Variants in SHISA9 observed in about 807,000 individuals in gnomAD.
SHISA9 encodes shisa family member 9, also known as protein shisa-9.
A neutral mutation model predicts 38.0 loss-of-function variants in SHISA9; 13 were observed. That is an observed-to-expected ratio of 0.34 (90% confidence interval 0.22 to 0.54). The LOEUF (loss-of-function observed/expected upper bound fraction) is 0.54, where lower values mean the gene tolerates loss of function less well. SHISA9 is among the 20% of genes least tolerant of loss of function. SHISA9 has a pLI of 0.91. For synonymous variants in SHISA9, 275 were observed against 242.0 expected (o/e 1.14, Z -1.27); for missense variants, 538 against 575.8 (o/e 0.93, Z 0.67).
chr16:13,330,362 TTAACTA>T, the SHISA9 span, among the ~76,000 whole-genome samples: 1 of 152,226 alleles, frequency 6.6e-6, no homozygotes. Flanking sequence ...AGCTATCTTG[TTAACTA>T]TAACAAGATA....
At chr16:13,446,348 C>A in the SHISA9 span, among the ~76,000 whole-genome samples, 2 of 152,118 alleles carry the variant, frequency 1.3e-5, no homozygotes, top group African/African-American at 2.4e-5. Context: ...TACTGAGTCC[C>A]TAATATGCAT....
At chr16:13,439,885 T>G in the SHISA9 span, among the ~76,000 whole-genome samples, 65 of 152,314 alleles carry the variant, frequency 4.3e-4, no homozygotes, top group African/African-American at 1.5e-3. Context: ...TCAACTCTGC[T>G]TCTTCTGACC....
At chr16:13,306,208 G>A in the SHISA9 span, among the ~76,000 whole-genome samples, 2 of 152,220 alleles carry the variant, frequency 1.3e-5, no homozygotes, top group Non-Finnish European at 2.9e-5. Context: ...AGGAAATGGG[G>A]TTATCATAAT....
chr16:13,216,812 C>A lies in SHISA9; in HGVS notation c.895+3512C>A, dbSNP rs910419105. 2.0e-5 allele frequency among the ~76,000 whole-genome samples: 3 copies of A among 152,142 alleles called. No individual in the cohort carries two copies. The East Asian group carries it at 5.8e-4, about 29-fold the overall frequency. Reference sequence around the variant, plus strand: ...TCCCTTTGGAGTGTGTCTGCCAGGACAGGAAATGATAAACATCATGCTAGT... The same window carrying A: ...TCCCTTTGGAGTGTGTCTGCCAGGAAAGGAAATGATAAACATCATGCTAGT... On this transcript the variant is annotated intron_variant, in intron 4 of 4. Transcript: ENST00000558583.
chr16:13,253,539 C>A, the SHISA9 span, among the ~76,000 whole-genome samples: 1 of 152,124 alleles, frequency 6.6e-6, no homozygotes, highest in Non-Finnish European at 1.5e-5. Context: ...GAAGCAAAGT[C>A]GAATCTTGCA....
chr16:13,308,160 G>T, the SHISA9 span, among the ~76,000 whole-genome samples: 2 of 151,280 alleles, frequency 1.3e-5, no homozygotes, highest in African/African-American at 4.9e-5. Flanking sequence ...AGTAAGAAAA[G>T]AGAATACAAT....
intron 1 of SHISA9, among the ~76,000 whole-genome samples, chr16:12,914,849 A>G (rs1366871391): frequency 6.6e-6 from 1 of 152,210 alleles, no homozygotes; most frequent in Non-Finnish European, 1.5e-5. Context: ...GGAGGGCTAG[A>G]TGGATCTGAA....
At chr16:13,416,951 A>G in the SHISA9 span, among the ~76,000 whole-genome samples, 5 of 152,218 alleles carry the variant, frequency 3.3e-5, no homozygotes, top group Admixed American at 6.5e-5. Context: ...AAGAAATTTG[A>G]ATAAATTTCT....
chr16:13,308,415 C>A, the SHISA9 span, among the ~76,000 whole-genome samples: 2 of 152,080 alleles, frequency 1.3e-5, no homozygotes, highest in East Asian at 1.9e-4. Context: ...TCTCTCATAA[C>A]CATGGCACTG....
intron 2 of SHISA9, among the ~76,000 whole-genome samples, chr16:12,951,290 C>T (rs1286734218): frequency 6.7e-6 from 1 of 149,882 alleles, no homozygotes; most frequent in Non-Finnish European, 1.5e-5. Context: ...ACTTACACAC[C>T]TGGCTCACGC....
the SHISA9 span, among the ~76,000 whole-genome samples, chr16:13,449,629 A>G: frequency 6.6e-6 from 1 of 152,144 alleles, no homozygotes; most frequent in African/African-American, 2.4e-5. Flanking sequence ...AAAATACAGC[A>G]TATTTGCCCT....
At chr16:13,137,461 ATT>A (rs576067141) in intron 2 of SHISA9, among the ~76,000 whole-genome samples, 1 of 144,726 alleles carries the variant, frequency 6.9e-6, no homozygotes. Flanking sequence ...TAATCTTTTT[ATT>A]TTTTTTTTTT....
chr16:13,561,546 A>G, the SHISA9 span, among the ~76,000 whole-genome samples: 2 of 152,174 alleles, frequency 1.3e-5, no homozygotes, highest in East Asian at 1.9e-4. Flanking sequence ...CACTTCCGCT[A>G]CTTTTACTTG....
chr16:13,276,517 G>C, the SHISA9 span, among the ~76,000 whole-genome samples: 4 of 152,142 alleles, frequency 2.6e-5, no homozygotes, highest in South Asian at 8.3e-4. Context: ...GCCTATACTA[G>C]TTTATATTCC....
At chr16:13,431,453 A>G in the SHISA9 span, among the ~76,000 whole-genome samples, 1 of 152,248 alleles carries the variant, frequency 6.6e-6, no homozygotes, top group Non-Finnish European at 1.5e-5. Context: ...ATATTTTTCA[A>G]CATGCAACTT....
At chr16:13,384,227 G>A in the SHISA9 span, among the ~76,000 whole-genome samples, 6,129 of 152,206 alleles carry the variant, frequency 0.04, 259 homozygotes, top group African/African-American at 0.1. Context: ...GGGATTAGAG[G>A]CCACCCAGGA....
intron 2 of SHISA9, among the ~76,000 whole-genome samples, chr16:13,031,536 T>C (rs2072991373): frequency 6.6e-6 from 1 of 152,088 alleles, no homozygotes; most frequent in Non-Finnish European, 1.5e-5. Flanking sequence ...CAGCCAAGGG[T>C]AAGGCAATTT....
chr16:13,294,784 T>G, the SHISA9 span, among the ~76,000 whole-genome samples: 1 of 152,136 alleles, frequency 6.6e-6, no homozygotes, highest in African/African-American at 2.4e-5. Flanking sequence ...AATGAGCGAA[T>G]TGAGTTGAGT....
chr16:13,053,385 C>G (rs2073274846), intron 2 of SHISA9, among the ~76,000 whole-genome samples: 1 of 152,220 alleles, frequency 6.6e-6, no homozygotes, highest in African/African-American at 2.4e-5. Flanking sequence ...GTCCAAGTCT[C>G]CATCATCATT....
Sources: allele counts gnomAD v4.1 joint callset (sites outside exome capture counted in the v4.1 genomes callset), GRCh38; gene constraint gnomAD v4.1.1; transcripts MANE v1.5; gene names NCBI Gene and HGNC (gene_info 2026-07-23, HGNC 2026-07-21).